The following NF2 variants were observed in gnomAD, a reference collection of about 807,000 sequenced individuals.
NF2 encodes the protein merlin.
Under a neutral mutation model 83.7 loss-of-function variants are expected in NF2, and 8 were observed. The ratio of observed to expected loss-of-function variants is 0.10; its 90% CI spans 0.06 to 0.17. NF2 has a LOEUF of 0.17. Among genes scored for constraint, NF2 ranks in the 10% least tolerant of loss-of-function variants. The pLI, the probability that NF2 is intolerant of heterozygous loss-of-function variation, is 1.00. For missense variants in NF2, 533 were observed against 744.4 expected (o/e 0.72, Z 3.31); for synonymous variants, 266 against 269.6 (o/e 0.99, Z 0.13).
chr22:29,647,869 C>T (rs965297716), intron 4 of NF2, among the ~76,000 whole-genome samples: 1 of 152,124 alleles, frequency 6.6e-6, no homozygotes, highest in Non-Finnish European at 1.5e-5. Flanking sequence ...ATTATCTAAA[C>T]AGTGCTCAAA....
intron 8 of NF2, among the ~76,000 whole-genome samples, chr22:29,662,894 C>A (rs143621917): frequency 3.3e-3 from 505 of 152,298 alleles, no homozygotes; most frequent in African/African-American, 0.011. Flanking sequence ...AGGACACAGA[C>A]TAGAGAGTGA....
chr22:29,613,118 A>C (rs2064996271), intron 1 of NF2, among the ~76,000 whole-genome samples: 1 of 152,090 alleles, frequency 6.6e-6, no homozygotes, highest in African/African-American at 2.4e-5. Flanking sequence ...AGAAATTGAC[A>C]AGTCAATTCA....
In NF2 at chr22:29,624,765, G is replaced by A. The variant is rs183878943; in HGVS notation, c.115-11986G>A. Among the ~76,000 whole-genome samples, 4 of 151,994 alleles carry A rather than the reference G, an allele frequency of 2.6e-5. No individual in the cohort carries two copies. The East Asian group carries it at 7.7e-4, about 29-fold the overall frequency. ...AACTATAATTAGTCCAAATAAAATGGACTCACCTTATGCCATGTTCTTGTT... is the reference window on the plus strand; with the variant it reads ...AACTATAATTAGTCCAAATAAAATGAACTCACCTTATGCCATGTTCTTGTT... On this transcript the variant is annotated intron_variant, in intron 1 of 15. Coordinates refer to ENST00000338641, the MANE Select transcript of NF2 (RefSeq NM_000268.4).
intron 1 of NF2, among the ~76,000 whole-genome samples, chr22:29,632,551 C>CT (rs1201808004): frequency 6.6e-6 from 1 of 152,216 alleles, no homozygotes; most frequent in Non-Finnish European, 1.5e-5. Context: ...TCCTAGTCCT[C>CT]TGAGTGTAGA....
intron 14 of NF2, among the ~76,000 whole-genome samples, chr22:29,680,257 G>A (rs2530677): frequency 0.14 from 21,971 of 151,994 alleles, 1,742 homozygotes; most frequent in East Asian, 0.22. Flanking sequence ...GATTACAGGC[G>A]CATGCTATCA....
intron 13 of NF2, among the ~76,000 whole-genome samples, chr22:29,676,992 G>T (rs1421153800): frequency 1.3e-5 from 2 of 152,168 alleles, no homozygotes; most frequent in Non-Finnish European, 2.9e-5. Context: ...CACCCAAGGA[G>T]CCTTCTCTCA....
intron 8 of NF2, among the ~76,000 whole-genome samples, chr22:29,663,456 A>G (rs1279037066): frequency 2.0e-5 from 3 of 152,244 alleles, no homozygotes; most frequent in African/African-American, 4.8e-5. Context: ...GTAGTTATGC[A>G]TGACAGCCAT....
intron 15 of NF2, among the ~76,000 whole-genome samples, chr22:29,690,678 C>T (rs1389277710): frequency 6.6e-6 from 1 of 152,210 alleles, no homozygotes; most frequent in Non-Finnish European, 1.5e-5. Context: ...GCAGCCGGTT[C>T]AGTCGAGAGA....
intron 1 of NF2, among the ~76,000 whole-genome samples, chr22:29,631,387 G>T (rs1484633367): frequency 6.6e-6 from 1 of 152,158 alleles, no homozygotes; most frequent in African/African-American, 2.4e-5. Context: ...GGCCCGAGTT[G>T]TGTTGCCACT....
At chr22:29,679,764 G>C (rs2067073073) in intron 14 of NF2, among the ~76,000 whole-genome samples, 1 of 151,894 alleles carries the variant, frequency 6.6e-6, no homozygotes, top group Admixed American at 6.6e-5. Context: ...TACTCGGGAG[G>C]CTGAGGTGGG....
Position 29,678,226 on chromosome 22 carries a change from C to T in NF2, c.1477C>T (p.Pro493Ser). ...GAACCCAATTCCAGCACCGTTGCCTCCTGACATACCAAGCTTCAACCTCAT... is the reference window on the plus strand; with the variant it reads ...GAACCCAATTCCAGCACCGTTGCCTTCTGACATACCAAGCTTCAACCTCAT... ...PMNPIPAPLP[P>S]DIPSFNLIGD... Residue 493 changes from proline (P) to serine (S), a missense_variant, in exon 14 of 16, where the codon CCT becomes TCT. Pro to Ser is a moderately conservative substitution (Grantham distance 74). Coordinates refer to ENST00000338641, the MANE Select transcript of NF2 (RefSeq NM_000268.4). 6.2e-7 allele frequency: 1 copy of T among 1,614,140 alleles called. No individual in the cohort carries two copies. The highest frequency in any genetic ancestry group is 1.3e-5 in the African/African-American group (1 of 75,030).
intron 4 of NF2, among the ~76,000 whole-genome samples, chr22:29,648,131 A>AAAATAAAT (rs56407600): frequency 0.097 from 14,140 of 145,188 alleles, 843 homozygotes; most frequent in East Asian, 0.33. Flanking sequence ...ACTCCATCTC[A>AAAATAAAT]AAATAAATAA....
At chr22:29,690,480 G>A (rs2067375464) in intron 15 of NF2, among the ~76,000 whole-genome samples, 1 of 152,188 alleles carries the variant, frequency 6.6e-6, no homozygotes, top group Non-Finnish European at 1.5e-5. Flanking sequence ...GTGGGCAGGG[G>A]AAAAGGGACC....
intron 15 of NF2, chr22:29,683,090 T>C (rs763141454): frequency 6.2e-7 from 1 of 1,614,194 alleles, no homozygotes; most frequent in East Asian, 2.2e-5. Flanking sequence ...GTACTCTCTA[T>C]GTGGTGATGG....
chr22:29,650,465 T>C (rs1235940987), intron 4 of NF2, among the ~76,000 whole-genome samples: 1 of 152,236 alleles, frequency 6.6e-6, no homozygotes, highest in Non-Finnish European at 1.5e-5. Context: ...TGTATTTCTT[T>C]GTTCTGTGAA....
chr22:29,666,934 C>A (rs1442679774), intron 9 of NF2, among the ~76,000 whole-genome samples: 1 of 152,012 alleles, frequency 6.6e-6, no homozygotes, highest in Admixed American at 6.6e-5. Flanking sequence ...CGAGATCATG[C>A]CATTGCACTC....
At chr22:29,624,859 TTC>T (rs1491057512) in intron 1 of NF2, among the ~76,000 whole-genome samples, 3 of 127,808 alleles carry the variant, frequency 2.3e-5, no homozygotes, top group African/African-American at 8.8e-5. Context: ...CTTTCTTTCT[TTC>T]TTTCTTTCTC....
At chr22:29,623,118 A>AT (rs1222311481) in intron 1 of NF2, among the ~76,000 whole-genome samples, 1 of 151,306 alleles carries the variant, frequency 6.6e-6, no homozygotes, top group Non-Finnish European at 1.5e-5. Flanking sequence ...TACCTGGCTA[A>AT]TTTTTTTGAA....
At chr22:29,607,138 T>C (rs2064819330) in intron 1 of NF2, among the ~76,000 whole-genome samples, 1 of 152,168 alleles carries the variant, frequency 6.6e-6, no homozygotes, top group Non-Finnish European at 1.5e-5. Context: ...TGTATCGAAA[T>C]ACTACAGGTA....
Sources: allele counts gnomAD v4.1 joint callset (sites outside exome capture counted in the v4.1 genomes callset), GRCh38; gene constraint gnomAD v4.1.1; transcripts MANE v1.5; gene names NCBI Gene and HGNC (gene_info 2026-07-23, HGNC 2026-07-21).